WDR70: variants seen among roughly 807,000 people sequenced by gnomAD.
WDR70 encodes the protein WD repeat domain 70, also known as WD repeat-containing protein 70.
A neutral mutation model predicts 88.6 loss-of-function variants in WDR70; 53 were observed. The ratio of observed to expected loss-of-function variants is 0.60; its 90% confidence interval spans 0.48 to 0.75. The LOEUF (loss-of-function observed/expected upper bound fraction) is 0.75, where lower values mean the gene tolerates loss of function less well. WDR70 is among the 30% of genes least tolerant of loss of function. WDR70 has a pLI of 0.00. For missense variants in WDR70, 610 were observed against 823.2 expected, an observed-to-expected ratio of 0.74 and a Z score of 3.17; for synonymous variants, 280 against 270.0, an observed-to-expected ratio of 1.04 and a Z score of -0.36.
intron 10 of WDR70, among the ~76,000 whole-genome samples, chr5:37,664,237 A>G (rs910041478): frequency 6.6e-6 from 1 of 152,172 alleles, no homozygotes; most frequent in African/African-American, 2.4e-5. Flanking sequence ...TTATGACAAT[A>G]TTACTCCTCT....
chr5:37,491,823 G>GT (rs1444291252), intron 8 of WDR70, among the ~76,000 whole-genome samples: 1 of 152,000 alleles, frequency 6.6e-6, no homozygotes, highest in African/African-American at 2.4e-5. Flanking sequence ...TTAACTTAAG[G>GT]TATTAATAAT....
At chr5:37,424,160 A>C (rs1390605528) in intron 5 of WDR70, among the ~76,000 whole-genome samples, 6 of 150,076 alleles carry the variant, frequency 4.0e-5, no homozygotes, top group East Asian at 2.0e-4. Flanking sequence ...AAAAAAAAAA[A>C]AAAAAAAAAA....
chr5:37,527,979 A>G (rs1318587954), intron 9 of WDR70, among the ~76,000 whole-genome samples: 2 of 152,152 alleles, frequency 1.3e-5, no homozygotes, highest in Non-Finnish European at 2.9e-5. Flanking sequence ...TCAGGAAACA[A>G]TGGGTGCTGG....
intron 9 of WDR70, among the ~76,000 whole-genome samples, chr5:37,546,779 C>T (rs980960485): frequency 3.9e-5 from 6 of 151,934 alleles, no homozygotes; most frequent in African/African-American, 1.2e-4. Context: ...ATTAGCCAGG[C>T]GTGGTGGCAC....
intron 3 of WDR70, among the ~76,000 whole-genome samples, chr5:37,386,039 T>TC (rs1295579363): frequency 6.6e-6 from 1 of 151,258 alleles, no homozygotes; most frequent in Non-Finnish European, 1.5e-5. Flanking sequence ...GGTCTCGATC[T>TC]CCTGCCCTCA....
At chr5:37,631,698 G>A (rs1482341442) in intron 10 of WDR70, among the ~76,000 whole-genome samples, 1 of 151,974 alleles carries the variant, frequency 6.6e-6, no homozygotes, top group Non-Finnish European at 1.5e-5. Context: ...ACATCTCTAG[G>A]GCCTCTCAGT....
rs1024375733 is a variant in WDR70 at position 37,480,109 on chromosome 5, G to C, written c.840+122G>C. 4 of 1,229,572 alleles carry C rather than the reference G, an allele frequency of 3.3e-6. No individual in the cohort carries two copies. The African/African-American group carries it at 6.1e-5, about 19-fold the overall frequency. 76.2% of individuals were successfully genotyped at this position (1,229,572 alleles called of 1,614,324 possible). A position where few individuals can be genotyped will look rare whatever the true frequency, so the allele number is the denominator to read the frequency against. On this transcript the variant is annotated intron_variant, in intron 8 of 17. Transcript: ENST00000265107. Reference sequence around the variant, plus strand: ...GTCATAAAACAATAGCAATTTATTTGTTCTCACAATCATGTGGATTGATTG... The same window carrying C: ...GTCATAAAACAATAGCAATTTATTTCTTCTCACAATCATGTGGATTGATTG...
chr5:37,436,978 T>C (rs1463690667), intron 5 of WDR70, among the ~76,000 whole-genome samples: 1 of 152,124 alleles, frequency 6.6e-6, no homozygotes, highest in Non-Finnish European at 1.5e-5. Context: ...GAATAAACAA[T>C]GAAACCTCTG....
chr5:37,705,342 A>G (rs896116447), intron 13 of WDR70, among the ~76,000 whole-genome samples: 1 of 152,214 alleles, frequency 6.6e-6, no homozygotes, highest in African/African-American at 2.4e-5. Context: ...CTAAGAAAGG[A>G]GAAATTTCAT....
intron 5 of WDR70, among the ~76,000 whole-genome samples, chr5:37,401,757 C>A (rs1354183511): frequency 2.0e-5 from 3 of 151,962 alleles, no homozygotes; most frequent in African/African-American, 7.3e-5. Flanking sequence ...TGTGCCTGGC[C>A]AAGATTATAT....
intron 8 of WDR70, among the ~76,000 whole-genome samples, chr5:37,507,340 T>G (rs1315529511): frequency 6.6e-6 from 1 of 152,216 alleles, no homozygotes; most frequent in Non-Finnish European, 1.5e-5. Context: ...CCTTGAACAT[T>G]TATTGTTTCT....
At chr5:37,575,511 T>A (rs889299297) in intron 9 of WDR70, among the ~76,000 whole-genome samples, 2 of 152,136 alleles carry the variant, frequency 1.3e-5, no homozygotes, top group Non-Finnish European at 2.9e-5. Context: ...AGATGGAAAT[T>A]GAGTTAATAA....
At chr5:37,652,178 C>G (rs1376348130) in intron 10 of WDR70, among the ~76,000 whole-genome samples, 1 of 152,204 alleles carries the variant, frequency 6.6e-6, no homozygotes, top group Non-Finnish European at 1.5e-5. Context: ...TTTCCCAACA[C>G]CATTTATTAC....
intron 10 of WDR70, among the ~76,000 whole-genome samples, chr5:37,658,136 G>A (rs1173254294): frequency 1.3e-5 from 2 of 151,732 alleles, no homozygotes; most frequent in Non-Finnish European, 1.5e-5. Context: ...CACTATAAAG[G>A]TCTTCTTCCT....
chr5:37,716,273 C>T (rs897801222), intron 13 of WDR70, among the ~76,000 whole-genome samples: 3 of 152,026 alleles, frequency 2.0e-5, no homozygotes, highest in Non-Finnish European at 2.9e-5. Flanking sequence ...AGAATAAGGG[C>T]GTTGTTTAGA....
intron 8 of WDR70, chr5:37,506,415 G>A (rs1330159894): frequency 1.3e-6 from 1 of 774,200 alleles, no homozygotes; most frequent in African/African-American, 1.7e-5. Context: ...GTAGTTCAAA[G>A]TGGGTTCAAA....
At chr5:37,646,511 T>C (rs1461250692) in intron 10 of WDR70, among the ~76,000 whole-genome samples, 1 of 152,206 alleles carries the variant, frequency 6.6e-6, no homozygotes, top group Non-Finnish European at 1.5e-5. Flanking sequence ...TTCTTTTAAA[T>C]TGAATAATCC....
chr5:37,561,807 C>T (rs771095265), intron 9 of WDR70, among the ~76,000 whole-genome samples: 5 of 152,114 alleles, frequency 3.3e-5, no homozygotes, highest in Non-Finnish European at 5.9e-5. Flanking sequence ...GTTGATTTAA[C>T]ATAAAGATAG....
chr5:37,650,317 T>A (rs1302089236), intron 10 of WDR70, among the ~76,000 whole-genome samples: 1 of 151,354 alleles, frequency 6.6e-6, no homozygotes, highest in African/African-American at 2.4e-5. Context: ...GGGAGGATGG[T>A]GTGAACCCAG....
Sources: allele counts gnomAD v4.1 joint callset (sites outside exome capture counted in the v4.1 genomes callset), GRCh38; gene constraint gnomAD v4.1.1; transcripts MANE v1.5; gene names NCBI Gene and HGNC (gene_info 2026-07-23, HGNC 2026-07-21).